The following MALRD1 variants were observed in gnomAD, a reference collection of about 807,000 sequenced individuals.
MALRD1 encodes MAM and LDL receptor class A domain containing 1.
In MALRD1, 247 loss-of-function variants were observed where a neutral mutation model predicts 242.1. That is an observed-to-expected ratio of 1.02 (90% CI 0.92 to 1.13). The LOEUF is 1.13. Among genes scored for constraint, MALRD1 ranks in the 50% most tolerant of loss-of-function variants. The probability of loss-of-function intolerance (pLI) is 0.00; values close to 1 mark genes in which losing one functional copy is unlikely to be tolerated. For synonymous variants in MALRD1, 995 were observed against 866.6 expected, an observed-to-expected ratio of 1.15 and a Z score of -2.60; for missense variants, 2,989 against 2,533.1, an observed-to-expected ratio of 1.18 and a Z score of -3.86.
In MALRD1 at chr10:19,144,716, C is replaced by A. The variant is rs1833671586; in HGVS notation, c.1412-1482C>A. ...GCTTCGGAATATGAGCTTTTGGTGTCAGACAGGTTCAAAGTCTAGATGTTC... is the reference window on the plus strand; with the variant it reads ...GCTTCGGAATATGAGCTTTTGGTGTAAGACAGGTTCAAAGTCTAGATGTTC... On this transcript the variant is annotated intron_variant, in intron 10 of 39. Transcript: ENST00000454679. Among the ~76,000 whole-genome samples, 3 of 152,186 alleles carry A rather than the reference C, an allele frequency of 2.0e-5. No homozygotes were observed. In the South Asian group the frequency reaches 6.2e-4, roughly 32 times the overall value.
At chr10:19,274,485 T>TA (rs1256936185) in intron 19 of MALRD1, among the ~76,000 whole-genome samples, 1 of 152,132 alleles carries the variant, frequency 6.6e-6, no homozygotes, top group African/African-American at 2.4e-5. Context: ...GAGCTTGCTT[T>TA]TTCTCTCCCT....
chr10:19,686,830 A>C (rs1274076362), intron 36 of MALRD1, among the ~76,000 whole-genome samples: 5 of 152,190 alleles, frequency 3.3e-5, no homozygotes, highest in Non-Finnish European at 7.3e-5. Context: ...TGCAACATAC[A>C]TTGGGTAATA....
intron 31 of MALRD1, among the ~76,000 whole-genome samples, chr10:19,528,805 A>G (rs1159337629): frequency 6.6e-6 from 1 of 152,142 alleles, no homozygotes; most frequent in African/African-American, 2.4e-5. Flanking sequence ...ACTGAAAATC[A>G]ACAATTCTTT....
chr10:19,214,469 A>G (rs1415462464), intron 18 of MALRD1, among the ~76,000 whole-genome samples: 9 of 152,244 alleles, frequency 5.9e-5, no homozygotes, highest in Admixed American at 5.9e-4. Flanking sequence ...ATATTTATCA[A>G]TACAGTCTGT....
chr10:19,055,312 T>A (rs1834630461), intron 1 of MALRD1, among the ~76,000 whole-genome samples: 1 of 152,320 alleles, frequency 6.6e-6, no homozygotes, highest in East Asian at 1.9e-4. Context: ...CATTATCAGA[T>A]GTGTGCTTTA....
chr10:19,361,653 A>G (rs909128075), intron 26 of MALRD1, among the ~76,000 whole-genome samples: 1 of 152,088 alleles, frequency 6.6e-6, no homozygotes, highest in African/African-American at 2.4e-5. Context: ...ATCAAGAAAG[A>G]TGTTCTGTGA....
intron 5 of MALRD1, among the ~76,000 whole-genome samples, chr10:19,108,474 G>A (rs1295223372): frequency 4.3e-5 from 1 of 23,248 alleles, no homozygotes; most frequent in Non-Finnish European, 6.4e-5. Flanking sequence ...GACTGCAGTG[G>A]CGCAATCTCG....
intron 30 of MALRD1, among the ~76,000 whole-genome samples, chr10:19,496,105 C>G (rs1356278196): frequency 6.6e-6 from 1 of 152,080 alleles, no homozygotes; most frequent in African/African-American, 2.4e-5. Context: ...GACTTAGACT[C>G]CCAAACAATA....
At chr10:19,729,592 C>CGTGT (rs113756414) in intron 38 of MALRD1, among the ~76,000 whole-genome samples, 124 of 144,312 alleles carry the variant, frequency 8.6e-4, no homozygotes, top group African/African-American at 1.7e-3. Flanking sequence ...AGGATCCTTT[C>CGTGT]GTGTGTGTGT....
intron 28 of MALRD1, among the ~76,000 whole-genome samples, chr10:19,415,095 A>G (rs745861806): frequency 3.9e-5 from 6 of 152,206 alleles, no homozygotes; most frequent in Non-Finnish European, 7.3e-5. Flanking sequence ...AATTAAAACA[A>G]TAGGTATAGA....
At chr10:19,655,527 AGTGT>A (rs1226298963) in intron 36 of MALRD1, among the ~76,000 whole-genome samples, 2 of 81,250 alleles carry the variant, frequency 2.5e-5, no homozygotes, top group African/African-American at 8.4e-5. Flanking sequence ...TATATGTGTG[AGTGT>A]ATATATATAT....
At position 19,203,811 on chromosome 10, in the gene MALRD1, C is replaced by T. The variant is rs746338847; in HGVS notation, c.2035C>T (p.Gln679Ter). The change falls in exon 15 of 40, where the codon CAG (glutamine) becomes TAG (stop). Residue 679 changes from glutamine to a stop codon, truncating the protein, a stop_gained. Transcript: ENST00000454679. LOFTEE classifies it high-confidence loss of function. ...GDHFDWIRSS[Q>*]SELSADFEHQ... ...CCATTTTGACTGGATACGGAGCTCTCAGAGTGAACTTTCTGCTGATTTTGA... is the reference window on the plus strand; with the variant it reads ...CCATTTTGACTGGATACGGAGCTCTTAGAGTGAACTTTCTGCTGATTTTGA... 6.4e-7 allele frequency: 1 copy of T among 1,550,518 alleles called. No individual in the cohort carries two copies. The highest frequency in any genetic ancestry group is 1.2e-5 in the South Asian group (1 of 84,046).
At chr10:19,633,131 T>G (rs1160358849) in intron 36 of MALRD1, among the ~76,000 whole-genome samples, 1 of 151,942 alleles carries the variant, frequency 6.6e-6, no homozygotes, top group Non-Finnish European at 1.5e-5. Flanking sequence ...ATTCTGGAGG[T>G]TGAGGCTGGA....
intron 26 of MALRD1, among the ~76,000 whole-genome samples, chr10:19,361,985 C>T (rs1413573832): frequency 6.6e-6 from 1 of 152,006 alleles, no homozygotes; most frequent in Non-Finnish European, 1.5e-5. Flanking sequence ...CTTATAGGAC[C>T]CTTCCAGGCT....
intron 36 of MALRD1, among the ~76,000 whole-genome samples, chr10:19,683,134 G>GAA (rs66998023): frequency 6.6e-6 from 1 of 150,856 alleles, no homozygotes; most frequent in Non-Finnish European, 1.5e-5. Flanking sequence ...ATCTCTACCG[G>GAA]AAAAAAAAAA....
chr10:19,444,911 G>C (rs971912833), intron 28 of MALRD1, among the ~76,000 whole-genome samples: 1 of 152,142 alleles, frequency 6.6e-6, no homozygotes, highest in African/African-American at 2.4e-5. Flanking sequence ...TTTCCAACTT[G>C]GTTCCATTCT....
chr10:19,468,545 T>C (rs556380706), intron 29 of MALRD1, among the ~76,000 whole-genome samples: 1 of 152,116 alleles, frequency 6.6e-6, no homozygotes, highest in South Asian at 2.1e-4. Context: ...CTGAAAGTTA[T>C]CTGGGAATAT....
chr10:19,460,477 A>G (rs1835886775), intron 29 of MALRD1, among the ~76,000 whole-genome samples: 1 of 152,070 alleles, frequency 6.6e-6, no homozygotes, highest in South Asian at 2.1e-4. Context: ...TGTAACATAT[A>G]AGTTTCTGAA....
intron 4 of MALRD1, among the ~76,000 whole-genome samples, chr10:19,096,279 G>C (rs576529497): frequency 1.3e-5 from 2 of 152,226 alleles, no homozygotes; most frequent in East Asian, 1.9e-4. Context: ...TAAAACTCCA[G>C]AATATGTAAT....
Sources: allele counts gnomAD v4.1 joint callset (sites outside exome capture counted in the v4.1 genomes callset), GRCh38; gene constraint gnomAD v4.1.1; transcripts MANE v1.5; gene names NCBI Gene and HGNC (gene_info 2026-07-23, HGNC 2026-07-21).